Variants in RSF1 observed in about 807,000 individuals in gnomAD.
RSF1 encodes remodeling and spacing factor 1.
In RSF1, 13 loss-of-function variants were observed where a neutral mutation model predicts 145.2. The ratio of observed to expected loss-of-function variants is 0.09; its 90% CI spans 0.06 to 0.14. RSF1 has a LOEUF of 0.14. Ranked by LOEUF, RSF1 falls within the 10% of genes least tolerant of loss-of-function variation. The pLI is 1.00. For synonymous variants in RSF1, 577 were observed against 592.6 expected, an observed-to-expected ratio of 0.97 and a Z score of 0.38; for missense variants, 1,517 against 1,718.2, an observed-to-expected ratio of 0.88 and a Z score of 2.07.
At chr11:77,788,142 CAAAAAAAAAAAAAAAA>C (rs66595170) in intron 1 of RSF1, among the ~76,000 whole-genome samples, 144 of 3,410 alleles carry the variant, frequency 0.042, 1 homozygote, top group South Asian at 0.083. Context: ...GACACTATCT[CAAAAAAAAAAAAAAAA>C]AAAAAAAAAA....
chr11:77,663,611 T>C lies in RSF1; in HGVS notation c.*3306A>G, dbSNP rs960740500. 3 of 152,144 alleles carry C rather than the reference T, an allele frequency of 2.0e-5. No individual in the cohort carries two copies. Among genetic ancestry groups the C allele is most frequent in the Non-Finnish European group, 4.4e-5 (3 of 68,026 alleles). 9.4% of individuals were successfully genotyped at this position (152,144 alleles called of 1,614,324 possible). ...ACCTTGACCAATTGAAAAAAGGATGTCAAGGAAATATAACTTGATGTACAT... is the reference window on the plus strand; with the variant it reads ...ACCTTGACCAATTGAAAAAAGGATGCCAAGGAAATATAACTTGATGTACAT... On this transcript the variant is annotated 3_prime_UTR_variant, in exon 16 of 16. Transcript: ENST00000308488.
At chr11:77,836,914 A>G in the RSF1 span, among the ~76,000 whole-genome samples, 1 of 152,096 alleles carries the variant, frequency 6.6e-6, no homozygotes, top group Non-Finnish European at 1.5e-5. Context: ...GCGGTGAGCC[A>G]AGATCGCGCC....
chr11:77,795,410 T>A (rs564248633), intron 1 of RSF1, among the ~76,000 whole-genome samples: 18 of 152,048 alleles, frequency 1.2e-4, no homozygotes, highest in South Asian at 4.2e-4. Context: ...AGCAAAAGGA[T>A]CCAAACAGAG....
chr11:77,800,163 A>AAAAT (rs1295054754), intron 1 of RSF1, among the ~76,000 whole-genome samples: 7 of 152,084 alleles, frequency 4.6e-5, no homozygotes, highest in Admixed American at 3.9e-4. Flanking sequence ...CTATTCTCTA[A>AAAAT]AAATAAATAA....
At chr11:77,820,452 C>G in intron 1 of RSF1, 76 bp downstream of exon 1, 1 of 1,442,228 alleles carries the variant, frequency 6.9e-7, no homozygotes, top group South Asian at 1.3e-5. Flanking sequence ...CGCGAAGAAC[C>G]GGGGCGCCTG....
chr11:77,785,365 G>A (rs767950422), intron 1 of RSF1, among the ~76,000 whole-genome samples: 13 of 152,108 alleles, frequency 8.5e-5, no homozygotes, highest in Non-Finnish European at 1.5e-4. Context: ...TGAGGTGGGT[G>A]GATCACCTGA....
At chr11:77,718,015 A>C (rs1334150298) in intron 5 of RSF1, 1 of 152,260 alleles carries the variant, frequency 6.6e-6, no homozygotes, top group Non-Finnish European at 1.5e-5. Context: ...CAAAATGAAA[A>C]GAAAGTTTTG....
At chr11:77,674,309 A>G (rs1268696772) in intron 14 of RSF1, among the ~76,000 whole-genome samples, 1 of 152,220 alleles carries the variant, frequency 6.6e-6, no homozygotes, top group African/African-American at 2.4e-5. Context: ...TAAAGCATTC[A>G]TTTCTTGTAG....
intron 5 of RSF1, 175 bp from the exon 6 acceptor site, chr11:77,702,670 T>G: frequency 2.4e-6 from 1 of 415,958 alleles, no homozygotes; most frequent in East Asian, 3.7e-5. Flanking sequence ...TTACAAAAAC[T>G]TTGAGATACA....
At chr11:77,733,817 C>A (rs1471883983) in intron 4 of RSF1, among the ~76,000 whole-genome samples, 1 of 152,166 alleles carries the variant, frequency 6.6e-6, no homozygotes, top group Non-Finnish European at 1.5e-5. Flanking sequence ...TCACCTGGGC[C>A]TCCCAAAGTG....
chr11:77,770,442 G>A (rs533649790), intron 1 of RSF1, among the ~76,000 whole-genome samples: 25 of 152,226 alleles, frequency 1.6e-4, no homozygotes, highest in Non-Finnish European at 3.4e-4. Flanking sequence ...GTGACAGAGT[G>A]AGACTCCGTC....
At chr11:77,753,283 C>A (rs550735949) in intron 2 of RSF1, among the ~76,000 whole-genome samples, 1 of 152,148 alleles carries the variant, frequency 6.6e-6, no homozygotes, top group Admixed American at 6.5e-5. Flanking sequence ...ATTATACTAG[C>A]GAAAAAATTA....
intron 1 of RSF1, among the ~76,000 whole-genome samples, chr11:77,802,077 G>C (rs1948631734): frequency 6.6e-6 from 1 of 152,078 alleles, no homozygotes; most frequent in South Asian, 2.1e-4. Flanking sequence ...CATGTGCTGG[G>C]GGACAGAAGC....
At chr11:77,671,053 C>T (rs1228778034) in intron 15 of RSF1, among the ~76,000 whole-genome samples, 1 of 128,924 alleles carries the variant, frequency 7.8e-6, no homozygotes, top group East Asian at 2.4e-4. Flanking sequence ...TTGCAGTGAG[C>T]CAAGATCACA....
At chr11:77,707,740 A>G (rs183135848) in intron 5 of RSF1, among the ~76,000 whole-genome samples, 73 of 152,376 alleles carry the variant, frequency 4.8e-4, no homozygotes, top group African/African-American at 1.7e-3. Flanking sequence ...AAACCATTCA[A>G]TAACTATTCA....
At chr11:77,749,612 G>A (rs1948039309) in intron 2 of RSF1, among the ~76,000 whole-genome samples, 1 of 152,130 alleles carries the variant, frequency 6.6e-6, no homozygotes, top group Non-Finnish European at 1.5e-5. Context: ...ATGTGTAAAA[G>A]GGGAGGATAA....
Position 77,740,871 on chromosome 11 carries a change from G to C in RSF1, c.438C>G (p.Ala146=), listed in dbSNP as rs773193267. 4.3e-6 allele frequency: 7 copies of C among 1,613,968 alleles called. No individual in the cohort carries two copies. The highest frequency in any genetic ancestry group is 5.9e-6 in the Non-Finnish European group (7 of 1,179,948). Residue 146 remains alanine (A), a synonymous_variant, in exon 4 of 16, where the codon GCC becomes GCG. Transcript: ENST00000308488. Reference sequence around the variant, plus strand: ...CAATTGGCTGGAGACGCATAGTATCGGCATCCTCCTCATTAATAATATTCT... The same window carrying C: ...CAATTGGCTGGAGACGCATAGTATCCGCATCCTCCTCATTAATAATATTCT... The part of the protein sequence containing the change: ...KFKNIINEED[A]DTMRLQPIGR...
intron 11 of RSF1, among the ~76,000 whole-genome samples, chr11:77,678,562 ATTGT>A (rs1389266111): frequency 6.6e-6 from 1 of 152,034 alleles, no homozygotes; most frequent in Non-Finnish European, 1.5e-5. Flanking sequence ...TTACTGTCTG[ATTGT>A]TTATGTCCCC....
the RSF1 span, among the ~76,000 whole-genome samples, chr11:77,853,434 T>C: frequency 6.6e-6 from 1 of 151,938 alleles, no homozygotes; most frequent in South Asian, 2.1e-4. Context: ...GGGGAGGTGC[T>C]ATATACTTTT....
Sources: gnomAD v4.1 joint callset for allele counts (sites outside exome capture counted in the v4.1 genomes callset) on GRCh38, gnomAD v4.1.1 for gene constraint, MANE v1.5 for transcripts, NCBI Gene and HGNC (gene_info 2026-07-23, HGNC 2026-07-21) for gene names.